Variants in PLEKHM3 observed in about 807,000 individuals in gnomAD.
The protein encoded by PLEKHM3 is pleckstrin homology domain containing M3.
PLEKHM3 carries 45 observed loss-of-function variants against 81.8 expected under a neutral mutation model. The observed-to-expected ratio is 0.55, with a 90% CI of 0.43 to 0.71. PLEKHM3 has a LOEUF of 0.71. PLEKHM3 is among the 30% of genes least tolerant of loss of function. PLEKHM3 has a pLI of 0.00. For missense variants in PLEKHM3, 788 were observed against 924.3 expected (o/e 0.85, Z 1.91); for synonymous variants, 352 against 356.4 (o/e 0.99, Z 0.14).
intron 6 of PLEKHM3, among the ~76,000 whole-genome samples, chr2:207,883,426 CAAATAATTGG>C (rs1271979221): frequency 6.6e-6 from 1 of 152,154 alleles, no homozygotes; most frequent in African/African-American, 2.4e-5. Flanking sequence ...AAATCACCAC[CAAATAATTGG>C]AAATAAGGTG....
At position 207,963,876 on chromosome 2, in the gene PLEKHM3, A is replaced by T. The variant is rs552136604; in HGVS notation, c.1546+12775T>A. Among the ~76,000 whole-genome samples, 6 of 152,350 alleles carry T rather than the reference A, an allele frequency of 3.9e-5. No homozygotes were observed. In the East Asian group the frequency reaches 1.2e-3, roughly 29 times the overall value. On this transcript the variant is annotated intron_variant, in intron 3 of 7. Transcript: ENST00000427836. ...AGAAATAGTTAAAGGAAATGTGCCT[A>T]TATAAACTAGAGAAAACTCAAGTAT...
chr2:207,957,441 G>A (rs192860696), intron 3 of PLEKHM3, among the ~76,000 whole-genome samples: 1 of 152,356 alleles, frequency 6.6e-6, no homozygotes, highest in East Asian at 1.9e-4. Context: ...GCTCACGCCT[G>A]TAATCCCAGC....
intron 2 of PLEKHM3, among the ~76,000 whole-genome samples, chr2:207,992,880 G>A (rs745789599): frequency 1.4e-4 from 22 of 152,152 alleles, no homozygotes; most frequent in Non-Finnish European, 2.1e-4. Context: ...AAAGGCCCAG[G>A]AGCTTGAAAG....
chr2:207,889,434 A>AAC (rs35082335), intron 6 of PLEKHM3, among the ~76,000 whole-genome samples: 15,614 of 128,786 alleles, frequency 0.12, 1,117 homozygotes, highest in Admixed American at 0.14. Flanking sequence ...GGTTTTTTTC[A>AAC]ACACACACAC....
intron 3 of PLEKHM3, among the ~76,000 whole-genome samples, chr2:207,958,707 C>T (rs1574444153): frequency 1.3e-5 from 2 of 151,776 alleles, no homozygotes; most frequent in Non-Finnish European, 2.9e-5. Context: ...GTCCGGAGTT[C>T]GACAGCAGCC....
chr2:207,894,339 G>T (rs1688152742), intron 6 of PLEKHM3, among the ~76,000 whole-genome samples: 1 of 152,110 alleles, frequency 6.6e-6, no homozygotes, highest in Non-Finnish European at 1.5e-5. Context: ...TAATTTTAGG[G>T]GTTACAGCCT....
intron 6 of PLEKHM3, among the ~76,000 whole-genome samples, chr2:207,864,472 C>T (rs575331934): frequency 6.6e-6 from 1 of 152,284 alleles, no homozygotes; most frequent in African/African-American, 2.4e-5. Flanking sequence ...AACAACCAAA[C>T]TTAATGAGGC....
At chr2:207,980,991 G>A (rs977286629) in intron 2 of PLEKHM3, among the ~76,000 whole-genome samples, 7 of 151,924 alleles carry the variant, frequency 4.6e-5, no homozygotes, top group Non-Finnish European at 1.5e-5. Context: ...AGTCGGGTGT[G>A]GTGGTGTGTG....
In PLEKHM3 at chr2:207,859,136, CTTTTTT is replaced by C. The variant is rs371493664; in HGVS notation, c.2108+1963_2108+1968del. Among the ~76,000 whole-genome samples, 161 of 118,386 alleles carry C rather than the reference CTTTTTT, an allele frequency of 1.4e-3. 4 individuals carry two copies. The South Asian group carries it at 0.016, about 12-fold the overall frequency. The allele number at this position is 118,386 out of a possible 152,430, so 77.7% of individuals were successfully genotyped here. A position where few individuals can be genotyped will look rare whatever the true frequency, so the allele number is the denominator to read the frequency against. ...ATGTATCAGTACGTTTTTTCTTTTT[CTTTTTT>C]TTTTTTTTTTTTGAGATGGAGTTTC... On this transcript the variant is annotated intron_variant, in intron 7 of 7. Transcript: ENST00000427836.
chr2:207,947,668 T>C (rs1465678254), intron 3 of PLEKHM3, among the ~76,000 whole-genome samples: 1 of 152,240 alleles, frequency 6.6e-6, no homozygotes, highest in Non-Finnish European at 1.5e-5. Context: ...ACTAAGCCTA[T>C]TTCATGAAGT....
At chr2:207,902,438 A>T (rs937959795) in intron 6 of PLEKHM3, among the ~76,000 whole-genome samples, 3 of 152,216 alleles carry the variant, frequency 2.0e-5, no homozygotes, top group Non-Finnish European at 4.4e-5. Flanking sequence ...GTTAGAAAAC[A>T]GTTGAGGTAA....
intron 7 of PLEKHM3, among the ~76,000 whole-genome samples, chr2:207,855,038 G>A (rs937970007): frequency 1.3e-5 from 2 of 152,142 alleles, no homozygotes; most frequent in Non-Finnish European, 2.9e-5. Context: ...CAGGAACGGA[G>A]GGCTTTAAAA....
intron 7 of PLEKHM3, among the ~76,000 whole-genome samples, chr2:207,860,305 A>AAAACCTCTCCT (rs2092461146): frequency 1.3e-5 from 2 of 151,972 alleles, no homozygotes; most frequent in Admixed American, 1.3e-4. Context: ...AGGAGAGGCT[A>AAAACCTCTCCT]AAAGGGCTGA....
At position 207,991,011 on chromosome 2, in the gene PLEKHM3, A is replaced by G. The variant is rs772854900; in HGVS notation, c.610+10019T>C. 1.1e-3 allele frequency among the ~76,000 whole-genome samples: 160 copies of G among 152,320 alleles called. 6 individuals are homozygous for G. Among genetic ancestry groups the G allele is most frequent in the Middle Eastern group, 3.4e-3 (1 of 294 alleles). ...TTGCTATGGGCAACAGTGATAGAGC[A>G]TAAGTCAATACATTCCTGGCCAATT... On this transcript the variant is annotated intron_variant, in intron 2 of 7. Coordinates refer to ENST00000427836, the MANE Select transcript of PLEKHM3 (RefSeq NM_001080475.3).
chr2:207,821,647 G>A lies in PLEKHM3; in HGVS notation c.*6672C>T, dbSNP rs2092217847. 2.0e-5 allele frequency: 3 copies of A among 152,102 alleles called. No individual in the cohort carries two copies. In the South Asian group the frequency reaches 6.2e-4, roughly 32 times the overall value. The allele number at this position is 152,102 out of a possible 1,614,324, so 9.4% of individuals were successfully genotyped here. On this transcript the variant is annotated 3_prime_UTR_variant, in exon 8 of 8. Coordinates refer to ENST00000427836, the MANE Select transcript of PLEKHM3 (RefSeq NM_001080475.3). ...AAAATGGCATAGACCTGACCCAGGA[G>A]CTACAGAACAAGTTTTGCAGAAGTT...
intron 7 of PLEKHM3, among the ~76,000 whole-genome samples, chr2:207,840,740 A>G (rs1264312369): frequency 6.6e-6 from 1 of 151,514 alleles, no homozygotes; most frequent in African/African-American, 2.4e-5. Flanking sequence ...TTATTTCTCC[A>G]AGTTTCCTGT....
chr2:207,972,931 C>G (rs1049509899), intron 3 of PLEKHM3, among the ~76,000 whole-genome samples: 1 of 152,122 alleles, frequency 6.6e-6, no homozygotes, highest in Non-Finnish European at 1.5e-5. Flanking sequence ...CCCTGAATAG[C>G]AAGTAAATGA....
At chr2:207,941,177 G>C (rs1455161116) in intron 4 of PLEKHM3, among the ~76,000 whole-genome samples, 2 of 152,196 alleles carry the variant, frequency 1.3e-5, no homozygotes, top group African/African-American at 4.8e-5. Flanking sequence ...GTAGGTGACA[G>C]CTCTAGGGCC....
Position 207,827,393 on chromosome 2 carries a change from G to A in PLEKHM3, c.*926C>T, listed in dbSNP as rs1213241734. On this transcript the variant is annotated 3_prime_UTR_variant, in exon 8 of 8. Coordinates refer to ENST00000427836, the MANE Select transcript of PLEKHM3 (RefSeq NM_001080475.3). ...ACTTACTAGATAGCCTTATCTACCA[G>A]TCTACACGACGATGTCTTTAACAAC... 1 of 151,810 alleles carries A rather than the reference G, an allele frequency of 6.6e-6. No individual in the cohort carries two copies. The highest frequency in any genetic ancestry group is 1.5e-5 in the Non-Finnish European group (1 of 67,952). The allele number at this position is 151,810 out of a possible 1,614,324, so 9.4% of individuals were successfully genotyped here. A position where few individuals can be genotyped will look rare whatever the true frequency, so the allele number is the denominator to read the frequency against.
Sources: gnomAD v4.1 joint callset for allele counts (sites outside exome capture counted in the v4.1 genomes callset) on GRCh38, gnomAD v4.1.1 for gene constraint, MANE v1.5 for transcripts, NCBI Gene and HGNC (gene_info 2026-07-23, HGNC 2026-07-21) for gene names.